PTCH1: variants seen among roughly 807,000 people sequenced by gnomAD.
The protein encoded by PTCH1 is protein patched homolog 1.
PTCH1 carries 14 observed loss-of-function variants against 144.6 expected under a neutral mutation model. That is an observed-to-expected ratio of 0.10 (90% CI 0.06 to 0.15). The LOEUF is 0.15. PTCH1 is among the 10% of genes least tolerant of loss of function. The pLI is 1.00. For synonymous variants in PTCH1, 833 were observed against 793.6 expected (o/e 1.05, Z -0.83); for missense variants, 1,623 against 1,948.3 (o/e 0.83, Z 3.14).
intron 2 of PTCH1, among the ~76,000 whole-genome samples, chr9:95,498,181 T>G (rs1346834755): frequency 6.6e-6 from 1 of 152,238 alleles, no homozygotes; most frequent in Non-Finnish European, 1.5e-5. Context: ...CTAAATTGGG[T>G]AAGTCTACTG....
At chr9:95,507,906 A>G in intron 1 of PTCH1, 1 of 1,005,456 alleles carries the variant, frequency 9.9e-7, no homozygotes, top group Non-Finnish European at 1.2e-6. Flanking sequence ...GCGTGTGTAT[A>G]CACACACACA....
At chr9:95,447,845 G>A (rs1349788099) in intron 22 of PTCH1, among the ~76,000 whole-genome samples, 7 of 152,200 alleles carry the variant, frequency 4.6e-5, no homozygotes, top group South Asian at 2.1e-4. Flanking sequence ...AGTGCAGGAC[G>A]CTGGCAGGAC....
chr9:95,499,801 T>C (rs1843024706), intron 2 of PTCH1, among the ~76,000 whole-genome samples: 2 of 152,012 alleles, frequency 1.3e-5, no homozygotes, highest in African/African-American at 2.4e-5. Context: ...GTGAAACACA[T>C]CCCCGAGGAG....
chr9:95,446,692 C>T, intron 23 of PTCH1: 1 of 635,122 alleles, frequency 1.6e-6, no homozygotes, highest in East Asian at 2.7e-5. Context: ...CGCAGGTTAG[C>T]AGTGGGGGAA....
chr9:95,468,966 C>CGGT lies in PTCH1; in HGVS notation c.2032_2034dup (p.Thr678dup). 6.2e-7 allele frequency: 1 copy of CGGT among 1,613,978 alleles called. No homozygotes were observed. Among genetic ancestry groups the CGGT allele is most frequent in the Non-Finnish European group, 8.5e-7 (1 of 1,180,012 alleles). Reference sequence around the variant, plus strand: ...ACAGAGATCTCGGAGCGCGGCTCAGCGGTGGTGTAGTACACGTGCGTGTGG... The same window carrying CGGT: ...ACAGAGATCTCGGAGCGCGGCTCAGCGGTGGTGGTGTAGTACACGTGCGTGTGG... On this transcript the variant is annotated inframe_insertion, in exon 14 of 24. Transcript: ENST00000331920.
At chr9:95,491,208 C>CAAA (rs1313601933) in intron 2 of PTCH1, among the ~76,000 whole-genome samples, 1 of 152,118 alleles carries the variant, frequency 6.6e-6, no homozygotes, top group East Asian at 1.9e-4. Context: ...ATATTCTTTA[C>CAAA]GTCTTTGGAA....
At position 95,487,733 on chromosome 9, in the gene PTCH1, C is replaced by T. The variant is rs550372243; in HGVS notation, c.395-1859G>A. ...ATGCCACAAACCCAGAAATCATTCC[C>T]ATTGTTACTGCCTCCTCGAACATCA... On this transcript the variant is annotated intron_variant, in intron 2 of 23. Coordinates refer to ENST00000331920, the MANE Select transcript of PTCH1 (RefSeq NM_000264.5). 2.4e-4 allele frequency among the ~76,000 whole-genome samples: 37 copies of T among 152,356 alleles called. No homozygotes were observed. In the South Asian group the frequency reaches 7.7e-3, roughly 32 times the overall value.
At chr9:95,481,522 A>C (rs1841532298) in intron 5 of PTCH1, among the ~76,000 whole-genome samples, 1 of 152,212 alleles carries the variant, frequency 6.6e-6, no homozygotes, top group African/African-American at 2.4e-5. Flanking sequence ...ATCTAAAGAA[A>C]GGTTAGCTTT....
At chr9:95,506,141 C>T (rs1167031919) in intron 2 of PTCH1, 5 of 243,734 alleles carry the variant, frequency 2.1e-5, no homozygotes, top group Non-Finnish European at 3.1e-5. Context: ...TGGTCCGTCC[C>T]GGAGGGGCCC....
intron 15 of PTCH1, among the ~76,000 whole-genome samples, chr9:95,465,066 C>T (rs1839880429): frequency 1.3e-5 from 2 of 151,900 alleles, no homozygotes; most frequent in Admixed American, 1.3e-4. Flanking sequence ...GCAATCAAAA[C>T]ATGATTCAAA....
intron 2 of PTCH1, among the ~76,000 whole-genome samples, chr9:95,505,073 T>C (rs1843457629): frequency 6.6e-6 from 1 of 152,260 alleles, no homozygotes; most frequent in African/African-American, 2.4e-5. Flanking sequence ...CAGGAATGTT[T>C]TGTCTTAATT....
At position 95,508,364 on chromosome 9, in the gene PTCH1, T is replaced by TGCC. The variant is rs71366293; in HGVS notation, c.-6_-4dup. 243,330 of 1,163,256 alleles carry TGCC rather than the reference T, an allele frequency of 0.21. 22,394 individuals are homozygous for TGCC. Among genetic ancestry groups the TGCC allele is most frequent in the African/African-American group, 0.27 (16,667 of 60,862 alleles). 72.1% of individuals were successfully genotyped at this position (1,163,256 alleles called of 1,614,324 possible). A position where few individuals can be genotyped will look rare whatever the true frequency, so the allele number is the denominator to read the frequency against. ...GCGGCGTTACCAGCCGAGGCCATGTTGCCGCCGCCGCCGCCGCCGCCGCGG... is the reference window on the plus strand; with the variant it reads ...GCGGCGTTACCAGCCGAGGCCATGTTGCCGCCGCCGCCGCCGCCGCCGCCGCGG... On this transcript the variant is annotated 5_prime_UTR_variant, in exon 1 of 24. Transcript: ENST00000331920.
chr9:95,467,062 T>C, intron 15 of PTCH1, 54 bp downstream of exon 15: 1 of 1,567,024 alleles, frequency 6.4e-7, no homozygotes, highest in Non-Finnish European at 8.8e-7. Flanking sequence ...AGGAACCTGT[T>C]GAAGCTGAAC....
At chr9:95,465,218 C>A (rs987323272) in intron 15 of PTCH1, among the ~76,000 whole-genome samples, 2 of 152,216 alleles carry the variant, frequency 1.3e-5, no homozygotes, top group Non-Finnish European at 2.9e-5. Context: ...CCTTCCCAAT[C>A]CCTGCCTAAC....
intron 1 of PTCH1, 32 bp downstream of exon 1, chr9:95,508,129 G>A (rs776642557): frequency 6.2e-6 from 10 of 1,611,270 alleles, no homozygotes; most frequent in African/African-American, 4.0e-5. Flanking sequence ...GAGGAGGGAA[G>A]AGAAAGTGGG....
chr9:95,452,818 T>A (rs1838583287), intron 20 of PTCH1: 1 of 153,896 alleles, frequency 6.5e-6, no homozygotes, highest in Non-Finnish European at 1.4e-5. Flanking sequence ...TTTTCCTTTC[T>A]ACAGTTTGAA....
intron 12 of PTCH1, among the ~76,000 whole-genome samples, chr9:95,471,780 C>T (rs544254487): frequency 2.0e-5 from 3 of 152,346 alleles, no homozygotes; most frequent in South Asian, 4.1e-4. Flanking sequence ...TGGCTCATGC[C>T]TGTAATCCCA....
chr9:95,474,242 G>C (rs1366832735), intron 12 of PTCH1: 2 of 326,630 alleles, frequency 6.1e-6, no homozygotes, highest in Admixed American at 3.8e-5. Flanking sequence ...AGAAAAGAAG[G>C]GGAGAGGAGA....
In PTCH1 at chr9:95,453,286, C is replaced by G. The variant is rs991756107; in HGVS notation, c.3449+192G>C. The G allele has an allele frequency of 8.0e-5, 58 of 721,854 alleles. No individual in the cohort carries two copies. In the African/African-American group the frequency reaches 1.0e-3, roughly 12 times the overall value. 44.7% of individuals were successfully genotyped at this position (721,854 alleles called of 1,614,324 possible). ...AGCTGGGATTACAGGCACCCACCAC[C>G]ACGCCCGGCTAATTTTTGTATTTTG... On this transcript the variant is annotated intron_variant, in intron 20 of 23. Transcript: ENST00000331920.
Sources: gnomAD v4.1 joint callset for allele counts (sites outside exome capture counted in the v4.1 genomes callset) on GRCh38, gnomAD v4.1.1 for gene constraint, MANE v1.5 for transcripts, NCBI Gene and HGNC (gene_info 2026-07-23, HGNC 2026-07-21) for gene names.